Variants in CCDC25 observed in about 807,000 individuals in gnomAD.
CCDC25 encodes coiled-coil domain containing 25, also known as coiled-coil domain-containing protein 25.
Under a neutral mutation model 35.3 loss-of-function variants are expected in CCDC25, and 16 were observed. The ratio of observed to expected loss-of-function variants is 0.45; its 90% confidence interval spans 0.31 to 0.69. The LOEUF (loss-of-function observed/expected upper bound fraction) is 0.69, where lower values mean the gene tolerates loss of function less well. Ranked by LOEUF, CCDC25 falls within the 30% of genes least tolerant of loss-of-function variation. The pLI, the probability that CCDC25 is intolerant of heterozygous loss-of-function variation, is 0.06. For missense variants in CCDC25, 179 were observed against 250.7 expected (o/e 0.71, Z 1.93); for synonymous variants, 79 against 80.3 (o/e 0.98, Z 0.09).
intron 7 of CCDC25, among the ~76,000 whole-genome samples, chr8:27,745,005 CTTTTTA>C (rs1418184033): frequency 2.0e-5 from 3 of 152,064 alleles, no homozygotes; most frequent in Non-Finnish European, 4.4e-5. Context: ...TCTATCACAG[CTTTTTA>C]TTTTTATTTT....
intron 8 of CCDC25, 66 bp from the exon 9 acceptor site, chr8:27,736,311 T>G: frequency 2.3e-6 from 3 of 1,301,414 alleles, no homozygotes; most frequent in Non-Finnish European, 2.2e-6. Context: ...AAATTTACAA[T>G]TATCTTAATT....
chr8:27,736,132 A>C lies in CCDC25; in HGVS notation c.*84T>G. 5 of 1,295,170 alleles carry C rather than the reference A, an allele frequency of 3.9e-6. No individual in the cohort carries two copies. The highest frequency in any genetic ancestry group is 5.4e-6 in the Non-Finnish European group (5 of 926,940). 80.2% of individuals were successfully genotyped at this position (1,295,170 alleles called of 1,614,324 possible). Reference sequence around the variant, plus strand: ...AGGTAGAATTTTGGTTGTATTTTATATTTCAGAACACAGATGAAACCAAAA... The same window carrying C: ...AGGTAGAATTTTGGTTGTATTTTATCTTTCAGAACACAGATGAAACCAAAA... On this transcript the variant is annotated 3_prime_UTR_variant, in exon 9 of 9. Transcript: ENST00000356537.
chr8:27,745,001 A>G (rs181621956), intron 7 of CCDC25, among the ~76,000 whole-genome samples: 1 of 152,124 alleles, frequency 6.6e-6, no homozygotes, highest in East Asian at 1.9e-4. Context: ...AGTCTCTATC[A>G]CAGCTTTTTA....
At chr8:27,767,444 A>G (rs181232602) in intron 1 of CCDC25, among the ~76,000 whole-genome samples, 10 of 152,352 alleles carry the variant, frequency 6.6e-5, no homozygotes, top group Non-Finnish European at 1.3e-4. Context: ...AGCCAAAATA[A>G]TAATAGAGGA....
chr8:27,748,262 C>G lies in CCDC25; in HGVS notation c.366G>C (p.Val122=). 6.2e-7 allele frequency: 1 copy of G among 1,613,644 alleles called. No individual in the cohort carries two copies. The highest frequency in any genetic ancestry group is 8.5e-7 in the Non-Finnish European group (1 of 1,179,866). Residue 122 remains valine (V), a synonymous_variant, in exon 7 of 9, where the codon GTG becomes GTC. Transcript: ENST00000356537. ...TCAGGATCTCATTTACTTTCTTCTC[C>G]ACTGTCACAATTTTTACCTTTAAGG... ...HRQKDVKIVT[V]EKKVNEILNR...
chr8:27,765,148 G>C (rs769781534), intron 2 of CCDC25, 56 bp downstream of exon 2: 140 of 1,454,024 alleles, frequency 9.6e-5, no homozygotes, highest in Non-Finnish European at 1.2e-4. Context: ...GGTGGTGAGT[G>C]AGAGATAACA....
intron 5 of CCDC25, among the ~76,000 whole-genome samples, chr8:27,749,697 C>T (rs955149134): frequency 6.6e-6 from 1 of 152,020 alleles, no homozygotes; most frequent in Admixed American, 6.6e-5. Flanking sequence ...GAAACAGTAG[C>T]GGGACAAGTG....
intron 8 of CCDC25, 95 bp from the exon 9 acceptor site, chr8:27,736,340 CTCAG>C: frequency 1.0e-6 from 1 of 953,518 alleles, no homozygotes; most frequent in East Asian, 2.5e-5. Context: ...GCCTTCTCAT[CTCAG>C]TCACTGAGTT....
chr8:27,760,731 GC>G (rs1249841278), intron 3 of CCDC25, among the ~76,000 whole-genome samples: 2 of 152,304 alleles, frequency 1.3e-5, no homozygotes, highest in East Asian at 3.9e-4. Context: ...CCCACTTGAG[GC>G]AAAAGAGCAC....
chr8:27,759,779 C>CAAAAAAAAAAAAAAAAAAAAA (rs77051762), intron 3 of CCDC25, among the ~76,000 whole-genome samples: 18 of 91,256 alleles, frequency 2.0e-4, no homozygotes, highest in African/African-American at 3.8e-4. Context: ...GACTCTGTCT[C>CAAAAAAAAAAAAAAAAAAAAA]AAAAAAAAAA....
Position 27,736,076 on chromosome 8 carries a change from C to T in CCDC25, c.*140G>A, listed in dbSNP as rs1803213139. On this transcript the variant is annotated 3_prime_UTR_variant, in exon 9 of 9. Coordinates refer to ENST00000356537, the MANE Select transcript of CCDC25 (RefSeq NM_018246.3). ...CAAAAAAGGTACAATTTTTTTAAAA[C>T]TTGAAAATCAATAATTTCTGGGTAG... 2 of 750,150 alleles carry T rather than the reference C, an allele frequency of 2.7e-6. No individual in the cohort carries two copies. Among genetic ancestry groups the T allele is most frequent in the Admixed American group, 6.3e-5 (2 of 31,548 alleles). 46.5% of individuals were successfully genotyped at this position (750,150 alleles called of 1,614,324 possible).
intron 1 of CCDC25, chr8:27,771,860 G>A (rs532899500): frequency 2.0e-5 from 3 of 152,338 alleles, no homozygotes; most frequent in African/African-American, 7.2e-5. Flanking sequence ...GGGAATAACA[G>A]GAACAGAACG....
intron 1 of CCDC25, among the ~76,000 whole-genome samples, chr8:27,768,012 G>A (rs1031414342): frequency 1.3e-5 from 2 of 149,700 alleles, no homozygotes; most frequent in African/African-American, 4.9e-5. Flanking sequence ...GACCATCCTG[G>A]GCAATATGAG....
At chr8:27,752,709 A>T (rs1470509934) in intron 4 of CCDC25, 122 bp from the exon 5 acceptor site, 11 of 649,712 alleles carry the variant, frequency 1.7e-5, no homozygotes, top group Non-Finnish European at 3.0e-5. Context: ...AGGTTCTTCA[A>T]CTGTTACAGA....
chr8:27,762,631 A>G (rs1804266623), intron 2 of CCDC25, among the ~76,000 whole-genome samples, 173 bp from the exon 3 acceptor site: 1 of 152,168 alleles, frequency 6.6e-6, no homozygotes, highest in East Asian at 1.9e-4. Context: ...AATAATTTTC[A>G]TAATTGAACA....
intron 5 of CCDC25, among the ~76,000 whole-genome samples, chr8:27,752,283 C>T (rs867446299): frequency 4.6e-5 from 7 of 152,068 alleles, no homozygotes; most frequent in South Asian, 2.1e-4. Flanking sequence ...TAAAAAGAGC[C>T]GAGACTTAGA....
At chr8:27,736,683 A>C (rs1803240849) in intron 8 of CCDC25, among the ~76,000 whole-genome samples, 1 of 152,260 alleles carries the variant, frequency 6.6e-6, no homozygotes, top group Middle Eastern at 3.2e-3. Context: ...ACATTGTCAC[A>C]GATTTGTGAC....
intron 4 of CCDC25, among the ~76,000 whole-genome samples, chr8:27,753,597 T>C (rs1326009663): frequency 2.0e-5 from 3 of 152,168 alleles, no homozygotes; most frequent in Non-Finnish European, 4.4e-5. Context: ...GAAAGTGAAA[T>C]TGAACTTGTA....
chr8:27,759,732 AT>A (rs1427292796), intron 3 of CCDC25, among the ~76,000 whole-genome samples: 6 of 143,410 alleles, frequency 4.2e-5, no homozygotes, highest in Admixed American at 1.5e-4. Context: ...GTGAGTCAAG[AT>A]TGCACCACTG....
Sources: allele counts gnomAD v4.1 joint callset (sites outside exome capture counted in the v4.1 genomes callset), GRCh38; gene constraint gnomAD v4.1.1; transcripts MANE v1.5; gene names NCBI Gene and HGNC (gene_info 2026-07-23, HGNC 2026-07-21).